RPS6KC1: variants seen among roughly 807,000 people sequenced by gnomAD.
The protein encoded by RPS6KC1 is inactive ribosomal protein S6 kinase delta-1.
RPS6KC1 carries 54 observed loss-of-function variants against 103.8 expected under a neutral mutation model. The ratio of observed to expected loss-of-function variants is 0.52; its 90% confidence interval spans 0.42 to 0.65. The LOEUF (loss-of-function observed/expected upper bound fraction) is 0.65, where lower values mean the gene tolerates loss of function less well. RPS6KC1 is among the 30% of genes least tolerant of loss of function. The probability of loss-of-function intolerance (pLI) is 0.00; values close to 1 mark genes in which losing one functional copy is unlikely to be tolerated. For missense variants in RPS6KC1, 1,151 were observed against 1,253.8 expected, an observed-to-expected ratio of 0.92 and a Z score of 1.24; for synonymous variants, 439 against 438.7, an observed-to-expected ratio of 1.00 and a Z score of -0.01.
chr1:213,363,600 CGCTCGCTTGCTTGCTTGCTTGCTT>C, the RPS6KC1 span, among the ~76,000 whole-genome samples: 285 of 76,592 alleles, frequency 3.7e-3, 43 homozygotes, highest in African/African-American at 0.025. Flanking sequence ...AGCCCTTGCT[CGCTCGCTTGCTTGCTTGCTTGCTT>C]GCTTTCTTTC....
At chr1:213,559,383 A>C in the RPS6KC1 span, among the ~76,000 whole-genome samples, 1 of 152,212 alleles carries the variant, frequency 6.6e-6, no homozygotes, top group Admixed American at 6.5e-5. Context: ...TTAGTATCTT[A>C]TTATATGCCC....
chr1:213,397,194 G>A, the RPS6KC1 span, among the ~76,000 whole-genome samples: 45 of 152,120 alleles, frequency 3.0e-4, no homozygotes, highest in Non-Finnish European at 4.4e-4. Context: ...ATATAAGCAC[G>A]TGGAAGCCCA....
chr1:213,479,691 C>A, the RPS6KC1 span, among the ~76,000 whole-genome samples: 11 of 151,834 alleles, frequency 7.2e-5, no homozygotes, highest in Admixed American at 7.2e-4. Flanking sequence ...AAAATAAATG[C>A]CATATCCAGT....
the RPS6KC1 span, among the ~76,000 whole-genome samples, chr1:213,743,381 A>C: frequency 6.6e-6 from 1 of 152,210 alleles, no homozygotes; most frequent in Admixed American, 6.5e-5. Flanking sequence ...GCAGAATACT[A>C]GAAGATGAAA....
chr1:213,405,121 C>A, the RPS6KC1 span, among the ~76,000 whole-genome samples: 1 of 152,372 alleles, frequency 6.6e-6, no homozygotes, highest in East Asian at 1.9e-4. Context: ...AAAAGGGATT[C>A]TTTCTTCACC....
chr1:213,298,257 G>A, the RPS6KC1 span, among the ~76,000 whole-genome samples: 33 of 152,216 alleles, frequency 2.2e-4, no homozygotes, highest in African/African-American at 7.7e-4. Context: ...TTGCCTAAAT[G>A]TATATACTTC....
intron 8 of RPS6KC1, among the ~76,000 whole-genome samples, chr1:213,228,614 A>G (rs1303332047): frequency 2.0e-5 from 3 of 151,966 alleles, no homozygotes; most frequent in African/African-American, 7.2e-5. Flanking sequence ...AGTACCAGCT[A>G]CTTGGGAGGC....
Position 213,274,068 on chromosome 1 carries a change from T to C in RPS6KC1, c.*1434T>C, listed in dbSNP as rs1025432348. 1 of 152,128 alleles carries C rather than the reference T, an allele frequency of 6.6e-6. No individual in the cohort carries two copies. The highest frequency in any genetic ancestry group is 2.4e-5 in the African/African-American group (1 of 41,422). The allele number at this position is 152,128 out of a possible 1,614,324, so 9.4% of individuals were successfully genotyped here. ...GTGAAACAAAGGAAATGTGCAAGCATTTTTCCTTTTTCTATTATTCTATTT... is the reference window on the plus strand; with the variant it reads ...GTGAAACAAAGGAAATGTGCAAGCACTTTTCCTTTTTCTATTATTCTATTT... On this transcript the variant is annotated 3_prime_UTR_variant, in exon 15 of 15. Transcript: ENST00000366960.
At chr1:213,734,240 C>T in the RPS6KC1 span, among the ~76,000 whole-genome samples, 1 of 152,200 alleles carries the variant, frequency 6.6e-6, no homozygotes. Context: ...GGCTCCACTT[C>T]TTTTCTCATT....
the RPS6KC1 span, among the ~76,000 whole-genome samples, chr1:213,828,576 A>T: frequency 6.6e-6 from 1 of 152,332 alleles, no homozygotes; most frequent in East Asian, 1.9e-4. Flanking sequence ...GTTCCTAACT[A>T]GCTGGGCGGT....
the RPS6KC1 span, among the ~76,000 whole-genome samples, chr1:213,665,130 T>A: frequency 6.6e-6 from 1 of 151,962 alleles, no homozygotes; most frequent in Non-Finnish European, 1.5e-5. Flanking sequence ...ATAGGGCAAT[T>A]AAAGCATAAT....
chr1:213,269,788 T>C (rs796320293), intron 14 of RPS6KC1, among the ~76,000 whole-genome samples: 30 of 152,026 alleles, frequency 2.0e-4, no homozygotes, highest in African/African-American at 6.8e-4. Context: ...GGTTGTGTGC[T>C]CCTGTAGTCC....
At chr1:213,440,267 A>C in the RPS6KC1 span, among the ~76,000 whole-genome samples, 1 of 152,180 alleles carries the variant, frequency 6.6e-6, no homozygotes, top group Non-Finnish European at 1.5e-5. Context: ...TGAGCATCCT[A>C]TATGTCAGGC....
the RPS6KC1 span, among the ~76,000 whole-genome samples, chr1:213,633,298 G>A: frequency 3.9e-5 from 6 of 152,188 alleles, no homozygotes; most frequent in African/African-American, 1.4e-4. Context: ...CAGCCAGAGA[G>A]AAAGGTCAGG....
At chr1:213,605,613 G>A in the RPS6KC1 span, among the ~76,000 whole-genome samples, 2 of 152,154 alleles carry the variant, frequency 1.3e-5, no homozygotes, top group South Asian at 4.1e-4. Context: ...TGTATTAATT[G>A]TAACCCCATG....
chr1:213,815,772 A>G, the RPS6KC1 span, among the ~76,000 whole-genome samples: 34 of 152,188 alleles, frequency 2.2e-4, no homozygotes, highest in Non-Finnish European at 4.3e-4. Flanking sequence ...CTGGAGTAGC[A>G]CTTTTAATTT....
chr1:213,286,408 G>A, the RPS6KC1 span, among the ~76,000 whole-genome samples: 1 of 152,118 alleles, frequency 6.6e-6, no homozygotes, highest in Non-Finnish European at 1.5e-5. Flanking sequence ...AGATTTTTGG[G>A]GTCATGGCAA....
At chr1:213,763,124 T>G in the RPS6KC1 span, among the ~76,000 whole-genome samples, 130 of 152,154 alleles carry the variant, frequency 8.5e-4, no homozygotes, top group African/African-American at 2.8e-3. Context: ...CTCCCAAAGT[T>G]CTGGGATTAT....
At chr1:213,739,481 G>A in the RPS6KC1 span, among the ~76,000 whole-genome samples, 1 of 152,050 alleles carries the variant, frequency 6.6e-6, no homozygotes, top group Non-Finnish European at 1.5e-5. Context: ...AGTAAAATTA[G>A]AAGTGAGAAC....
Sources: allele counts gnomAD v4.1 joint callset (sites outside exome capture counted in the v4.1 genomes callset), GRCh38; gene constraint gnomAD v4.1.1; transcripts MANE v1.5; gene names NCBI Gene and HGNC (gene_info 2026-07-23, HGNC 2026-07-21).